Variants in CDKL1 observed in about 807,000 individuals in gnomAD.
CDKL1 encodes cyclin-dependent kinase-like 1.
In CDKL1, 41 loss-of-function variants were observed where a neutral mutation model predicts 42.0. The ratio of observed to expected loss-of-function variants is 0.98; its 90% CI spans 0.76 to 1.27. The LOEUF (loss-of-function observed/expected upper bound fraction) is 1.27, where lower values mean the gene tolerates loss of function less well. CDKL1 is among the 50% of genes most tolerant of loss of function. CDKL1 has a pLI of 0.00. For missense variants in CDKL1, 394 were observed against 428.4 expected (o/e 0.92, Z 0.71); for synonymous variants, 153 against 158.6 (o/e 0.96, Z 0.26).
rs1260512052 is a variant in CDKL1, at chr14:50,363,543, A to AAG, written c.169-4395_169-4394insCT. The stretch of plus-strand genomic sequence containing the variant: ...TTCAGACTGAAAAATAATCATCCTT[A>AAG]GGCTTTACTTTCATTTTCACACTAT... On this transcript the variant is annotated intron_variant, in intron 2 of 9. Transcript: ENST00000395834. Among the ~76,000 whole-genome samples, 119 of 152,296 alleles carry AAG rather than the reference A, an allele frequency of 7.8e-4. No individual in the cohort carries two copies. The Middle Eastern group carries it at 0.01, about 13-fold the overall frequency.
chr14:50,361,849 T>C (rs1335621851), intron 2 of CDKL1, among the ~76,000 whole-genome samples: 1 of 152,234 alleles, frequency 6.6e-6, no homozygotes, highest in Admixed American at 6.5e-5. Context: ...GCTCCCACTT[T>C]GGCGGCACTT....
At chr14:50,355,010 T>C (rs6572661) in intron 3 of CDKL1, among the ~76,000 whole-genome samples, 109,328 of 151,920 alleles carry the variant, frequency 0.72, 40,395 homozygotes, top group African/African-American at 0.9. Context: ...TTCCCATCTA[T>C]ATATAAATTC....
intron 2 of CDKL1, among the ~76,000 whole-genome samples, chr14:50,385,070 CAAAA>C (rs55719234): frequency 3.2e-5 from 3 of 93,542 alleles, no homozygotes; most frequent in African/African-American, 1.3e-4. Flanking sequence ...GACTCTGTCT[CAAAA>C]AAAAAAAAAA....
rs1325010605 is a variant in CDKL1, at chr14:50,342,227, T to C, written c.364-5A>G. 1.2e-6 allele frequency: 2 copies of C among 1,611,018 alleles called. No individual in the cohort carries two copies. The highest frequency in any genetic ancestry group is 2.2e-5 in the South Asian group (2 of 91,022). On this transcript the variant is annotated splice_region_variant and splice_polypyrimidine_tract_variant and intron_variant, in intron 4 of 9. Coordinates refer to ENST00000395834, the MANE Select transcript of CDKL1 (RefSeq NM_004196.7). ...CTTCACGTCTCTATGTATGCACTAG[T>C]GTAACAAATCAAAACAAAAACAATA...
intron 2 of CDKL1, chr14:50,362,842 A>C (rs142004400): frequency 0.022 from 7,873 of 351,144 alleles, 116 homozygotes; most frequent in Non-Finnish European, 0.034. Flanking sequence ...GGGTAGGGCC[A>C]GATAAGAGAA....
Position 50,329,691 on chromosome 14 carries a change from G to A in CDKL1, c.*383C>T, listed in dbSNP as rs2032833206. The A allele has an allele frequency of 1.2e-5, 2 of 169,212 alleles. No individual in the cohort carries two copies. Among genetic ancestry groups the A allele is most frequent in the South Asian group, 3.0e-4 (2 of 6,732 alleles). The allele number at this position is 169,212 out of a possible 1,614,324, so 10.5% of individuals were successfully genotyped here. A position where few individuals can be genotyped will look rare whatever the true frequency, so the allele number is the denominator to read the frequency against. On this transcript the variant is annotated 3_prime_UTR_variant, in exon 10 of 10. Transcript: ENST00000395834. The stretch of plus-strand genomic sequence containing the variant: ...GATAGGACTCAGGCAACAGAGATCC[G>A]AGGAAATATATATGGGCATTTTGTG...
intron 3 of CDKL1, among the ~76,000 whole-genome samples, chr14:50,347,307 A>G (rs1433191460): frequency 6.6e-6 from 1 of 152,134 alleles, no homozygotes; most frequent in East Asian, 1.9e-4. Flanking sequence ...TAAAAAGGGG[A>G]AAAATAGATA....
At position 50,330,499 on chromosome 14, in the gene CDKL1, A is replaced by G. The variant is rs577180623; in HGVS notation, c.967-318T>C. The G allele has an allele frequency of 1.2e-3, 314 of 268,252 alleles. 2 individuals carry two copies. The South Asian group carries it at 0.013, about 11-fold the overall frequency. The allele number at this position is 268,252 out of a possible 1,614,324, so 16.6% of individuals were successfully genotyped here. A position where few individuals can be genotyped will look rare whatever the true frequency, so the allele number is the denominator to read the frequency against. Reference sequence around the variant, plus strand: ...AGAGCTTGCTGAGATCTTAGGGATCATTTAAGCCAATGCCTTGTCTTATAG... The same window carrying G: ...AGAGCTTGCTGAGATCTTAGGGATCGTTTAAGCCAATGCCTTGTCTTATAG... On this transcript the variant is annotated intron_variant, in intron 9 of 9. Coordinates refer to ENST00000395834, the MANE Select transcript of CDKL1 (RefSeq NM_004196.7).
chr14:50,338,903 A>C, intron 7 of CDKL1, 44 bp downstream of exon 7: 13 of 1,195,834 alleles, frequency 1.1e-5, no homozygotes, highest in Non-Finnish European at 1.4e-5. Flanking sequence ...ACCAAAGCCT[A>C]GCTAGCCTGG....
chr14:50,342,231 A>T lies in CDKL1; in HGVS notation c.364-9T>A. On this transcript the variant is annotated splice_polypyrimidine_tract_variant and intron_variant, in intron 4 of 9. Coordinates refer to ENST00000395834, the MANE Select transcript of CDKL1 (RefSeq NM_004196.7). ...ACGTCTCTATGTATGCACTAGTGTA[A>T]CAAATCAAAACAAAAACAATATTAA... The T allele has an allele frequency of 6.2e-7, 1 of 1,605,270 alleles. No individual in the cohort carries two copies. The highest frequency in any genetic ancestry group is 1.1e-5 in the South Asian group (1 of 90,914).
intron 6 of CDKL1, 23 bp from the exon 7 acceptor site, chr14:50,339,052 G>T (rs1037976389): frequency 3.9e-6 from 6 of 1,528,496 alleles, no homozygotes; most frequent in Non-Finnish European, 5.4e-6. Context: ...AAAGAAAAAG[G>T]TAAGTGAAAT....
intron 2 of CDKL1, among the ~76,000 whole-genome samples, chr14:50,360,786 TTGTGTGTGTGTGTGTGTG>T (rs58307197): frequency 6.9e-6 from 1 of 144,604 alleles, no homozygotes; most frequent in Non-Finnish European, 1.5e-5. Flanking sequence ...GTGTGTGTGT[TTGTGTGTGTGTGTGTGTG>T]TGTGTGTGTG....
chr14:50,388,021 C>T (rs961461727), intron 2 of CDKL1, among the ~76,000 whole-genome samples: 6 of 152,116 alleles, frequency 3.9e-5, no homozygotes, highest in South Asian at 2.1e-4. Flanking sequence ...CTCAGCCTCC[C>T]AAGTAGCTGT....
intron 2 of CDKL1, chr14:50,390,375 TG>T (rs763651623): frequency 1.5e-6 from 2 of 1,364,028 alleles, no homozygotes; most frequent in Non-Finnish European, 2.0e-6. Flanking sequence ...CTGCCACTGC[TG>T]GCAGAAATTC....
intron 9 of CDKL1, chr14:50,331,078 T>A (rs1163279352): frequency 6.6e-6 from 1 of 152,036 alleles, no homozygotes; most frequent in African/African-American, 2.4e-5. Flanking sequence ...ACTAAAAATA[T>A]AGAAATTAGT....
chr14:50,389,677 A>G (rs2035195753), intron 2 of CDKL1, among the ~76,000 whole-genome samples: 1 of 152,164 alleles, frequency 6.6e-6, no homozygotes, highest in South Asian at 2.1e-4. Flanking sequence ...TTAGCCTTCT[A>G]AAATAGTCCA....
intron 2 of CDKL1, chr14:50,377,804 C>G (rs1246940364): frequency 1.1e-6 from 1 of 942,858 alleles, no homozygotes; most frequent in Non-Finnish European, 1.4e-6. Flanking sequence ...TTGTTAACAC[C>G]TATAAATCAC....
chr14:50,388,024 G>C (rs2035139417), intron 2 of CDKL1, among the ~76,000 whole-genome samples: 1 of 152,066 alleles, frequency 6.6e-6, no homozygotes, highest in African/African-American at 2.4e-5. Context: ...AGCCTCCCAA[G>C]TAGCTGTGGT....
At chr14:50,385,407 C>T (rs1413466180) in intron 2 of CDKL1, among the ~76,000 whole-genome samples, 3 of 152,136 alleles carry the variant, frequency 2.0e-5, no homozygotes, top group African/African-American at 4.8e-5. Context: ...AGGCACATTC[C>T]ACAAAACAGA....
Sources: gnomAD v4.1 joint callset for allele counts (sites outside exome capture counted in the v4.1 genomes callset) on GRCh38, gnomAD v4.1.1 for gene constraint, MANE v1.5 for transcripts, NCBI Gene and HGNC (gene_info 2026-07-23, HGNC 2026-07-21) for gene names.